COL28A1: variants seen among roughly 807,000 people sequenced by gnomAD.
The protein encoded by COL28A1 is collagen type XXVIII alpha 1 chain.
Under a neutral mutation model 150.2 loss-of-function variants are expected in COL28A1, and 161 were observed. The observed-to-expected ratio is 1.07, with a 90% CI of 0.94 to 1.22. COL28A1 has a LOEUF of 1.22. Ranked by LOEUF, COL28A1 falls within the 50% of genes most tolerant of loss-of-function variation. The probability of loss-of-function intolerance (pLI) is 0.00; values close to 1 mark genes in which losing one functional copy is unlikely to be tolerated. For missense variants in COL28A1, 1,617 were observed against 1,388.3 expected, an observed-to-expected ratio of 1.16 and a Z score of -2.62; for synonymous variants, 552 against 469.7, an observed-to-expected ratio of 1.18 and a Z score of -2.26.
At chr7:7,484,268 C>A (rs1156236355) in intron 13 of COL28A1, among the ~76,000 whole-genome samples, 1 of 151,800 alleles carries the variant, frequency 6.6e-6, no homozygotes, top group Non-Finnish European at 1.5e-5. Context: ...AAACAGAAAC[C>A]ATGGTTGCCA....
At chr7:7,344,110 G>A in the COL28A1 span, among the ~76,000 whole-genome samples, 1 of 151,852 alleles carries the variant, frequency 6.6e-6, no homozygotes, top group African/African-American at 2.4e-5. Flanking sequence ...TTAAAATCCA[G>A]CCTGACATTC....
intron 31 of COL28A1, among the ~76,000 whole-genome samples, chr7:7,374,038 A>AAAAAAATAT: frequency 6.2e-5 from 7 of 113,656 alleles, no homozygotes; most frequent in African/African-American, 2.7e-4. Context: ...AAAAAAAAAA[A>AAAAAAATAT]ATATATATAT....
intron 11 of COL28A1, among the ~76,000 whole-genome samples, chr7:7,500,510 G>A (rs1324419847): frequency 1.3e-5 from 2 of 152,216 alleles, no homozygotes; most frequent in African/African-American, 4.8e-5. Context: ...CTATCTGAAA[G>A]AAGACTAGGA....
chr7:7,385,625 T>C (rs1243401669), intron 27 of COL28A1, among the ~76,000 whole-genome samples: 1 of 152,194 alleles, frequency 6.6e-6, no homozygotes, highest in African/African-American at 2.4e-5. Context: ...CACAATTTCC[T>C]AATATAGCTA....
intron 23 of COL28A1, among the ~76,000 whole-genome samples, chr7:7,434,746 GTTT>G: frequency 6.6e-6 from 1 of 152,226 alleles, no homozygotes; most frequent in East Asian, 1.9e-4. Context: ...GGAGGAGCAG[GTTT>G]TTATTTTGGA....
intron 21 of COL28A1, among the ~76,000 whole-genome samples, chr7:7,439,895 A>T (rs1328037670): frequency 6.6e-6 from 1 of 152,226 alleles, no homozygotes. Context: ...CTGAAGTTTA[A>T]GAGTCACTGG....
chr7:7,413,424 T>C (rs1006157028), intron 27 of COL28A1, among the ~76,000 whole-genome samples: 9 of 152,204 alleles, frequency 5.9e-5, no homozygotes, highest in African/African-American at 2.2e-4. Flanking sequence ...TTCACCAAAC[T>C]TCTGGTTCCT....
chr7:7,407,595 A>T (rs1320552321), intron 27 of COL28A1, among the ~76,000 whole-genome samples: 1 of 152,086 alleles, frequency 6.6e-6, no homozygotes, highest in Non-Finnish European at 1.5e-5. Flanking sequence ...AATATCTTTT[A>T]AGAAGATATT....
intron 31 of COL28A1, among the ~76,000 whole-genome samples, chr7:7,374,038 A>AAAAAAAAAAAAAAATAT: frequency 2.4e-4 from 27 of 113,620 alleles, no homozygotes; most frequent in African/African-American, 1.0e-3. Context: ...AAAAAAAAAA[A>AAAAAAAAAAAAAAATAT]ATATATATAT....
chr7:7,394,264 CCACT>C (rs2128295685), intron 27 of COL28A1, among the ~76,000 whole-genome samples: 1 of 152,240 alleles, frequency 6.6e-6, no homozygotes, highest in Admixed American at 6.5e-5. Context: ...TGTGCTGCCC[CCACT>C]GTCTAACCAG....
chr7:7,528,129 T>A (rs10269709), intron 3 of COL28A1, among the ~76,000 whole-genome samples: 1,869 of 152,274 alleles, frequency 0.012, 41 homozygotes, highest in African/African-American at 0.042. Flanking sequence ...TTATGTTTTT[T>A]AAAAATCGTT....
chr7:7,497,338 A>AAGTGCTG (rs1458039041), intron 11 of COL28A1, among the ~76,000 whole-genome samples: 1 of 152,232 alleles, frequency 6.6e-6, no homozygotes, highest in Non-Finnish European at 1.5e-5. Flanking sequence ...ACTATGCAAG[A>AAGTGCTG]AGTGCTGCTC....
chr7:7,366,962 ATGTGTGTG>A lies in COL28A1; in HGVS notation c.3066+3755_3066+3762del, dbSNP rs68036147. Among the ~76,000 whole-genome samples the A allele has an allele frequency of 7.6e-4, 115 of 152,200 alleles. 2 individuals carry two copies. The East Asian group carries it at 0.017, about 22-fold the overall frequency. On this transcript the variant is annotated intron_variant, in intron 33 of 34. Coordinates refer to ENST00000399429, the MANE Select transcript of COL28A1 (RefSeq NM_001037763.3). The stretch of plus-strand genomic sequence containing the variant: ...TCTTGTATGTGTGTATGTATATACT[ATGTGTGTG>A]TGTGTGCGCGCGTGCATGTCTGTGC...
At chr7:7,368,114 T>C (rs903168502) in intron 33 of COL28A1, among the ~76,000 whole-genome samples, 4 of 152,140 alleles carry the variant, frequency 2.6e-5, no homozygotes, top group Admixed American at 2.0e-4. Flanking sequence ...CCTAGGTATG[T>C]TTCACACAGC....
the COL28A1 span, among the ~76,000 whole-genome samples, chr7:7,341,482 G>A: frequency 1.3e-5 from 2 of 151,988 alleles, no homozygotes; most frequent in East Asian, 3.9e-4. Context: ...ATGGCTCACT[G>A]CAGCCTCAGC....
At chr7:7,393,700 G>A (rs1210987545) in intron 27 of COL28A1, among the ~76,000 whole-genome samples, 1 of 152,198 alleles carries the variant, frequency 6.6e-6, no homozygotes, top group Non-Finnish European at 1.5e-5. Flanking sequence ...GCATTGCTGA[G>A]CTGTGGAGGA....
intron 18 of COL28A1, among the ~76,000 whole-genome samples, chr7:7,450,340 A>G (rs1007520723): frequency 2.0e-5 from 3 of 152,238 alleles, no homozygotes; most frequent in Admixed American, 6.5e-5. Flanking sequence ...GAATATCTTT[A>G]TCAATCTCAG....
At chr7:7,421,992 T>C (rs1174758540) in intron 25 of COL28A1, among the ~76,000 whole-genome samples, 1 of 152,140 alleles carries the variant, frequency 6.6e-6, no homozygotes, top group Non-Finnish European at 1.5e-5. Flanking sequence ...GAAAACCCTG[T>C]AGTACATACA....
intron 27 of COL28A1, among the ~76,000 whole-genome samples, chr7:7,417,346 C>A (rs1784137380): frequency 6.6e-6 from 1 of 151,530 alleles, no homozygotes. Flanking sequence ...AAAACCACAG[C>A]ACTCACACTC....
Sources: gnomAD v4.1 joint callset for allele counts (sites outside exome capture counted in the v4.1 genomes callset) on GRCh38, gnomAD v4.1.1 for gene constraint, MANE v1.5 for transcripts, NCBI Gene and HGNC (gene_info 2026-07-23, HGNC 2026-07-21) for gene names.